The following TRHDE variants were observed in gnomAD, a reference collection of about 807,000 sequenced individuals.
The protein encoded by TRHDE is thyrotropin-releasing hormone-degrading ectoenzyme.
A neutral mutation model predicts 125.7 loss-of-function variants in TRHDE; 72 were observed. The ratio of observed to expected loss-of-function variants is 0.57; its 90% CI spans 0.47 to 0.70. The LOEUF is 0.70. TRHDE is among the 30% of genes least tolerant of loss of function. TRHDE has a pLI of 0.00. For missense variants in TRHDE, 1,110 were observed against 1,327.1 expected, an observed-to-expected ratio of 0.84 and a Z score of 2.54; for synonymous variants, 509 against 509.1, an observed-to-expected ratio of 1.00 and a Z score of 0.00.
At chr12:72,413,653 A>G (rs1873609387) in intron 3 of TRHDE, among the ~76,000 whole-genome samples, 1 of 151,962 alleles carries the variant, frequency 6.6e-6, no homozygotes, top group Non-Finnish European at 1.5e-5. Context: ...AATATAGTAA[A>G]TTGCTTGCCA....
intron 2 of TRHDE, among the ~76,000 whole-genome samples, chr12:72,287,525 T>A (rs560274384): frequency 2.6e-5 from 4 of 152,158 alleles, no homozygotes; most frequent in Admixed American, 6.5e-5. Flanking sequence ...CTGAATTTGG[T>A]GTTTGCTACT....
intron 2 of TRHDE, among the ~76,000 whole-genome samples, chr12:72,358,918 C>T (rs538517744): frequency 6.6e-6 from 1 of 151,490 alleles, no homozygotes; most frequent in Admixed American, 6.6e-5. Flanking sequence ...CTATCAAGAA[C>T]CTTAAAGATA....
intron 2 of TRHDE, among the ~76,000 whole-genome samples, chr12:72,120,395 C>T (rs141092027): frequency 1.3e-5 from 2 of 151,798 alleles, no homozygotes; most frequent in South Asian, 2.1e-4. Context: ...TTGTAGTCTT[C>T]TCTTTCTTCT....
At chr12:72,198,546 C>T (rs889379507) in intron 2 of TRHDE, among the ~76,000 whole-genome samples, 2 of 151,984 alleles carry the variant, frequency 1.3e-5, no homozygotes, top group Admixed American at 6.6e-5. Context: ...ACTCATGGTT[C>T]AATGGATAGG....
At chr12:72,148,861 G>A (rs559694479) in intron 2 of TRHDE, among the ~76,000 whole-genome samples, 2 of 152,152 alleles carry the variant, frequency 1.3e-5, no homozygotes, top group African/African-American at 2.4e-5. Flanking sequence ...TTGCAAGCTG[G>A]ACTAGAACAA....
chr12:72,542,025 A>G (rs1869173279), intron 6 of TRHDE, among the ~76,000 whole-genome samples: 1 of 151,450 alleles, frequency 6.6e-6, no homozygotes, highest in Non-Finnish European at 1.5e-5. Flanking sequence ...GTACTCCTGA[A>G]TTACAGCTTA....
At chr12:72,619,291 A>G (rs1358237214) in intron 13 of TRHDE, among the ~76,000 whole-genome samples, 1 of 152,196 alleles carries the variant, frequency 6.6e-6, no homozygotes, top group Non-Finnish European at 1.5e-5. Context: ...ATACATGGCA[A>G]ATTTTTAAAG....
At chr12:72,117,975 A>G (rs1173474000) in intron 2 of TRHDE, among the ~76,000 whole-genome samples, 1 of 149,480 alleles carries the variant, frequency 6.7e-6, no homozygotes, top group Non-Finnish European at 1.5e-5. Flanking sequence ...TTTCTTGTGG[A>G]GTTTTTAAGT....
intron 5 of TRHDE, among the ~76,000 whole-genome samples, chr12:72,481,638 C>T (rs1411003223): frequency 6.7e-6 from 1 of 148,914 alleles, no homozygotes; most frequent in Non-Finnish European, 1.5e-5. Context: ...GGCAGCTCTT[C>T]TCAACCATTA....
intron 2 of TRHDE, among the ~76,000 whole-genome samples, chr12:72,109,064 G>T (rs1875254354): frequency 6.6e-6 from 1 of 152,010 alleles, no homozygotes; most frequent in Non-Finnish European, 1.5e-5. Flanking sequence ...AACAAAATTA[G>T]ATGAATCACT....
chr12:72,446,138 G>C (rs756409403), intron 3 of TRHDE, among the ~76,000 whole-genome samples: 7 of 146,324 alleles, frequency 4.8e-5, no homozygotes, highest in African/African-American at 1.8e-4. Flanking sequence ...GGTGGGGCCC[G>C]ATTGTGCATT....
chr12:72,109,209 G>C (rs1339415306), intron 2 of TRHDE, among the ~76,000 whole-genome samples: 1 of 152,050 alleles, frequency 6.6e-6, no homozygotes, highest in Non-Finnish European at 1.5e-5. Flanking sequence ...AGTAGAGTAA[G>C]AATTGACATC....
At chr12:72,340,394 C>T (rs7970417) in intron 2 of TRHDE, among the ~76,000 whole-genome samples, 18,878 of 152,164 alleles carry the variant, frequency 0.12, 1,752 homozygotes, top group East Asian at 0.47. Context: ...GCACACATTT[C>T]ACTTTTTTCC....
chr12:72,413,091 A>G (rs1420623580), intron 3 of TRHDE, among the ~76,000 whole-genome samples: 1 of 152,086 alleles, frequency 6.6e-6, no homozygotes, highest in Non-Finnish European at 1.5e-5. Flanking sequence ...TTTGTGTTTT[A>G]TATACTACTT....
At chr12:72,318,744 C>G (rs929401269) in intron 2 of TRHDE, among the ~76,000 whole-genome samples, 1 of 151,670 alleles carries the variant, frequency 6.6e-6, no homozygotes, top group Non-Finnish European at 1.5e-5. Context: ...ATATCCTTGT[C>G]TAAAAATGGA....
chr12:72,250,837 G>GATATATATAT (rs376713479), intron 2 of TRHDE, among the ~76,000 whole-genome samples: 7,282 of 117,628 alleles, frequency 0.062, 335 homozygotes, highest in South Asian at 0.083. Context: ...ATGACTTACA[G>GATATATATAT]ATATATATAT....
intron 5 of TRHDE, among the ~76,000 whole-genome samples, chr12:72,475,517 G>T (rs777716818): frequency 6.6e-6 from 1 of 152,088 alleles, no homozygotes; most frequent in African/African-American, 2.4e-5. Flanking sequence ...TATATCTTCA[G>T]TTTCAGTATC....
chr12:72,435,844 A>C (rs1249906318), intron 3 of TRHDE, among the ~76,000 whole-genome samples: 1 of 152,078 alleles, frequency 6.6e-6, no homozygotes, highest in African/African-American at 2.4e-5. Flanking sequence ...TATGAAAACC[A>C]GTTCCCAAGG....
intron 7 of TRHDE, among the ~76,000 whole-genome samples, chr12:72,545,874 A>G (rs1309596734): frequency 2.0e-5 from 3 of 151,572 alleles, no homozygotes; most frequent in Non-Finnish European, 4.4e-5. Flanking sequence ...TTCAGTGTAA[A>G]TTCCATCTTC....
Sources: allele counts gnomAD v4.1 joint callset (sites outside exome capture counted in the v4.1 genomes callset), GRCh38; gene constraint gnomAD v4.1.1; transcripts MANE v1.5; gene names NCBI Gene and HGNC (gene_info 2026-07-23, HGNC 2026-07-21).